Variants in PSMG2 observed in about 807,000 individuals in gnomAD.
PSMG2 encodes CD40 ligand-activated specific transcript 3.
Under a neutral mutation model 31.5 loss-of-function variants are expected in PSMG2, and 21 were observed. That is an observed-to-expected ratio of 0.67 (90% CI 0.47 to 0.96). The LOEUF is 0.96. Among genes scored for constraint, PSMG2 ranks in the 40% least tolerant of loss-of-function variants. The pLI, the probability that PSMG2 is intolerant of heterozygous loss-of-function variation, is 0.00. For missense variants in PSMG2, 318 were observed against 321.2 expected (o/e 0.99, Z 0.08); for synonymous variants, 120 against 110.4 (o/e 1.09, Z -0.54).
At chr18:12,701,946 T>G (rs1010938879), upstream of PSMG2, among the ~76,000 whole-genome samples, 1 of 151,870 alleles carries the variant, frequency 6.6e-6, no homozygotes, top group African/African-American at 2.4e-5. Context: ...CACACCAACA[T>G]GGTGAAACCG....
chr18:12,718,884 T>G (rs968568227), intron 4 of PSMG2, among the ~76,000 whole-genome samples: 5 of 152,132 alleles, frequency 3.3e-5, no homozygotes, highest in Admixed American at 2.0e-4. Context: ...TTGGGAACCA[T>G]GTTTTTAGTG....
At chr18:12,696,370 G>A (rs1273953919) in intron 1 of PSMG2, among the ~76,000 whole-genome samples, 1 of 152,018 alleles carries the variant, frequency 6.6e-6, no homozygotes, top group Non-Finnish European at 1.5e-5. Flanking sequence ...GGGTGTGGTG[G>A]TGCATGCCTG....
chr18:12,693,218 G>A (rs549172389), intron 1 of PSMG2, among the ~76,000 whole-genome samples: 17 of 152,130 alleles, frequency 1.1e-4, no homozygotes, highest in Non-Finnish European at 2.4e-4. Flanking sequence ...TTATAAATAT[G>A]ACAGTGGAAA....
At chr18:12,706,095 G>A (rs2040265808) in intron 1 of PSMG2, among the ~76,000 whole-genome samples, 2 of 152,208 alleles carry the variant, frequency 1.3e-5, no homozygotes, top group South Asian at 4.1e-4. Flanking sequence ...AGCAGTTGTA[G>A]TTAATGAAAA....
chr18:12,711,433 G>T (rs1463491906), intron 2 of PSMG2, among the ~76,000 whole-genome samples: 1 of 152,136 alleles, frequency 6.6e-6, no homozygotes, highest in Non-Finnish European at 1.5e-5. Flanking sequence ...TCACAGATAG[G>T]TTAGAGGCTG....
chr18:12,672,842 G>A (rs945542550), intron 1 of PSMG2: 16 of 984,908 alleles, frequency 1.6e-5, no homozygotes, highest in Non-Finnish European at 1.9e-5. Context: ...TTTCTGGACA[G>A]TCTCAAATAT....
chr18:12,694,783 C>T (rs2039890534), intron 1 of PSMG2, among the ~76,000 whole-genome samples: 1 of 151,150 alleles, frequency 6.6e-6, no homozygotes, highest in South Asian at 2.1e-4. Context: ...GCGATCTGGG[C>T]TCACTGCAAG....
At chr18:12,686,378 G>C (rs754147850) in intron 1 of PSMG2, 2 of 1,613,856 alleles carry the variant, frequency 1.2e-6, no homozygotes, top group Admixed American at 3.3e-5. Flanking sequence ...GCTTGCCTTG[G>C]AGTATCAAGA....
intron 2 of PSMG2, among the ~76,000 whole-genome samples, chr18:12,709,147 G>A (rs1350550946): frequency 6.6e-6 from 1 of 152,066 alleles, no homozygotes; most frequent in African/African-American, 2.4e-5. Context: ...CCGGGTTCAA[G>A]CGATTCTCCT....
chr18:12,678,223 T>C, intron 1 of PSMG2: 3 of 1,614,148 alleles, frequency 1.9e-6, no homozygotes, highest in Non-Finnish European at 2.5e-6. Context: ...ATGTTGTAGC[T>C]CCAGGAGCAC....
At chr18:12,691,222 C>G (rs2039749399) in intron 1 of PSMG2, 3 of 566,324 alleles carry the variant, frequency 5.3e-6, no homozygotes, top group Admixed American at 3.8e-5. Flanking sequence ...GAGAATATTA[C>G]AAAATCAGCA....
intron 1 of PSMG2, chr18:12,670,785 C>A (rs776001760): frequency 6.6e-6 from 1 of 151,794 alleles, no homozygotes; most frequent in African/African-American, 2.4e-5. Context: ...GCAGCTGGGA[C>A]CACAGGTGTG....
chr18:12,702,664 C>T, upstream of PSMG2: 6 of 1,214,640 alleles, frequency 4.9e-6, no homozygotes, highest in Non-Finnish European at 5.6e-6. Flanking sequence ...CGCAGCCGTT[C>T]GCCTAGCGCA....
At chr18:12,692,923 A>G (rs1458502701) in intron 1 of PSMG2, among the ~76,000 whole-genome samples, 1 of 152,202 alleles carries the variant, frequency 6.6e-6, no homozygotes, top group African/African-American at 2.4e-5. Context: ...CCTGGGCTTA[A>G]GCGATCCTCC....
At chr18:12,687,169 T>C (rs1355336126) in intron 1 of PSMG2, among the ~76,000 whole-genome samples, 1 of 152,128 alleles carries the variant, frequency 6.6e-6, no homozygotes, top group African/African-American at 2.4e-5. Context: ...GGCCACTTAC[T>C]ATTCAAGATT....
At chr18:12,718,303 A>G (rs2040397482) in intron 3 of PSMG2, among the ~76,000 whole-genome samples, 1 of 152,146 alleles carries the variant, frequency 6.6e-6, no homozygotes, top group Non-Finnish European at 1.5e-5. Context: ...ATGCATGGCC[A>G]TTGATTTCTT....
chr18:12,716,678 GC>G (rs1200623989), intron 3 of PSMG2, among the ~76,000 whole-genome samples: 7 of 152,244 alleles, frequency 4.6e-5, no homozygotes, highest in African/African-American at 1.7e-4. Context: ...ACAGGCGTGA[GC>G]CACCGTGCCT....
Position 12,718,598 on chromosome 18 carries a change from A to G in PSMG2, c.370A>G (p.Ser124Gly), listed in dbSNP as rs1365836522. The change falls in exon 4 of 7, where the codon AGT becomes GGT. Residue 124 changes from serine to glycine, a missense_variant. Transcript: ENST00000317615. The part of the protein sequence containing the change: ...GCARVIVLSS[S>G]HSYQRNDLQL... ...TGCCAGAGTCATTGTTCTTTCAAGCAGTCATTCATATCAGCGTAATGATCT... is the reference window on the plus strand; with the variant it reads ...TGCCAGAGTCATTGTTCTTTCAAGCGGTCATTCATATCAGCGTAATGATCT... 6.2e-7 allele frequency: 1 copy of G among 1,611,114 alleles called. No individual in the cohort carries two copies. Among genetic ancestry groups the G allele is most frequent in the Non-Finnish European group, 8.5e-7 (1 of 1,178,152 alleles).
At chr18:12,692,003 GC>G (rs1598650109) in intron 1 of PSMG2, among the ~76,000 whole-genome samples, 1 of 151,942 alleles carries the variant, frequency 6.6e-6, no homozygotes, top group Non-Finnish European at 1.5e-5. Flanking sequence ...ACCGCGCCTG[GC>G]CCAGAAATTT....
Sources: allele counts gnomAD v4.1 joint callset (sites outside exome capture counted in the v4.1 genomes callset), GRCh38; gene constraint gnomAD v4.1.1; transcripts MANE v1.5; gene names NCBI Gene and HGNC (gene_info 2026-07-23, HGNC 2026-07-21).